CHD7: variants seen among roughly 807,000 people sequenced by gnomAD.
The protein encoded by CHD7 is chromodomain helicase DNA binding protein 7.
Under a neutral mutation model 307.3 loss-of-function variants are expected in CHD7, and 24 were observed. The ratio of observed to expected loss-of-function variants is 0.08; its 90% CI spans 0.06 to 0.11. The LOEUF (loss-of-function observed/expected upper bound fraction) is 0.11. Among genes scored for constraint, CHD7 ranks in the 10% least tolerant of loss-of-function variants. The probability of loss-of-function intolerance (pLI) is 1.00; values close to 1 mark genes in which losing one functional copy is unlikely to be tolerated. For synonymous variants in CHD7, 1,363 were observed against 1,349.9 expected (o/e 1.01, Z -0.21); for missense variants, 3,106 against 3,727.1 (o/e 0.83, Z 4.34).
At chr8:60,700,859 G>A (rs1436699143) in intron 1 of CHD7, among the ~76,000 whole-genome samples, 1 of 152,202 alleles carries the variant, frequency 6.6e-6, no homozygotes, top group Non-Finnish European at 1.5e-5. Flanking sequence ...GACGATGATG[G>A]CAGTGAGACG....
Position 60,793,480 on chromosome 8 carries a change from T to C in CHD7, c.2097-1506T>C, listed in dbSNP as rs568605259. On this transcript the variant is annotated intron_variant, in intron 3 of 37. Transcript: ENST00000423902. The stretch of plus-strand genomic sequence containing the variant: ...TAGTTTAAGATGATCAAATATTTTA[T>C]TTAGTTGAAAAAATACATTTTAGGT... 8.5e-5 allele frequency among the ~76,000 whole-genome samples: 13 copies of C among 152,312 alleles called. No homozygotes were observed. The South Asian group carries it at 2.7e-3, about 32-fold the overall frequency.
chr8:60,786,212 A>G (rs1811484916), intron 3 of CHD7, among the ~76,000 whole-genome samples: 1 of 152,204 alleles, frequency 6.6e-6, no homozygotes, highest in African/African-American at 2.4e-5. Flanking sequence ...TTTGCTAGCC[A>G]GCATCAGTGG....
chr8:60,804,574 A>T (rs1297919345), intron 6 of CHD7, among the ~76,000 whole-genome samples: 5 of 152,332 alleles, frequency 3.3e-5, no homozygotes, highest in South Asian at 4.1e-4. Context: ...CTAGTAAAGT[A>T]TACAGTAGAT....
chr8:60,754,332 C>T (rs746381816), intron 2 of CHD7, among the ~76,000 whole-genome samples: 4 of 152,044 alleles, frequency 2.6e-5, no homozygotes, highest in Non-Finnish European at 5.9e-5. Context: ...GTGATTGTAC[C>T]GATTATACAG....
chr8:60,854,080 G>A (rs1206516770), intron 31 of CHD7, among the ~76,000 whole-genome samples: 1 of 152,184 alleles, frequency 6.6e-6, no homozygotes, highest in South Asian at 2.1e-4. Flanking sequence ...CAATGACTTG[G>A]TTGGCTATCA....
rs201769233 is a variant in CHD7, at chr8:60,828,747, C to T, written c.3463C>T (p.Arg1155Cys). Residue 1155 changes from arginine to cysteine, a missense_variant, in exon 14 of 38, where the codon CGC (arginine) becomes TGC (cysteine). Arg to Cys is a radical substitution (Grantham distance 180). Around this residue, in one of 10 missense-constraint regions of CHD7, gnomAD observed 232 missense variants for 422.5 expected, o/e 0.55. Coordinates refer to ENST00000423902, the MANE Select transcript of CHD7 (RefSeq NM_017780.4). ...FSLLHFLEPS[R>C]FPSETTFMQE... is the part of the protein sequence containing the mutation. ...CTTGCTTCATTTCTTGGAACCAAGT[C>T]GCTTCCCTTCAGAAACCACATTTAT... The T allele has an allele frequency of 3.0e-5, 48 of 1,613,466 alleles. No individual in the cohort carries two copies. The highest frequency in any genetic ancestry group is 1.6e-4 in the Middle Eastern group (1 of 6,084).
At chr8:60,791,124 C>T (rs1811753411) in intron 3 of CHD7, among the ~76,000 whole-genome samples, 1 of 152,144 alleles carries the variant, frequency 6.6e-6, no homozygotes. Context: ...ATTTGCCTTC[C>T]AGCTGGTTAC....
chr8:60,736,132 C>T (rs370904656), intron 1 of CHD7, among the ~76,000 whole-genome samples: 2 of 152,146 alleles, frequency 1.3e-5, no homozygotes, highest in African/African-American at 2.4e-5. Flanking sequence ...GAAGCAAATA[C>T]GGAAAATACT....
At position 60,683,505 on chromosome 8, in the gene CHD7, A is replaced by G. The variant is rs145184482; in HGVS notation, c.-175+4423A>G. Among the ~76,000 whole-genome samples, 5 of 152,372 alleles carry G rather than the reference A, an allele frequency of 3.3e-5. No homozygotes were observed. The East Asian group carries it at 9.6e-4, about 29-fold the overall frequency. ...ATCACATCTGCATGATAAAAAGAAG[A>G]AATAGAAACAGGAAGTTGTAATGAT... is the stretch of plus-strand genomic sequence containing the variant. On this transcript the variant is annotated intron_variant, in intron 1 of 37. Coordinates refer to ENST00000423902, the MANE Select transcript of CHD7 (RefSeq NM_017780.4).
In CHD7 at chr8:60,798,518, A is replaced by T. The variant is rs531475208; in HGVS notation, c.2239-1870A>T. Among the ~76,000 whole-genome samples, 10 of 152,288 alleles carry T rather than the reference A, an allele frequency of 6.6e-5. No homozygotes were observed. The South Asian group carries it at 2.1e-3, about 32-fold the overall frequency. On this transcript the variant is annotated intron_variant, in intron 4 of 37. Coordinates refer to ENST00000423902, the MANE Select transcript of CHD7 (RefSeq NM_017780.4). ...GGGAGAACATAAACTTAAGATTAAA[A>T]TCAATCAGTCCCACTCTTTGGGGAA... is the stretch of plus-strand genomic sequence containing the variant.
chr8:60,766,242 T>C (rs1426634037), intron 2 of CHD7, among the ~76,000 whole-genome samples: 1 of 152,128 alleles, frequency 6.6e-6, no homozygotes, highest in African/African-American at 2.4e-5. Flanking sequence ...TAGAAGGATG[T>C]GTAGCTTGTT....
intron 12 of CHD7, among the ~76,000 whole-genome samples, chr8:60,823,037 T>C (rs1213395612): frequency 6.6e-6 from 1 of 152,194 alleles, no homozygotes; most frequent in Non-Finnish European, 1.5e-5. Flanking sequence ...AGTTTTATTT[T>C]GCAAGCCTAA....
At chr8:60,801,433 T>G in intron 5 of CHD7, 95 bp from the exon 6 acceptor site, 1 of 854,936 alleles carries the variant, frequency 1.2e-6, no homozygotes, top group Non-Finnish European at 1.9e-6. Flanking sequence ...ACTTAAAAGG[T>G]GTGGAGGTGG....
chr8:60,749,249 A>G lies in CHD7; in HGVS notation c.1665+6152A>G, dbSNP rs1011064656. Among the ~76,000 whole-genome samples the G allele has an allele frequency of 5.9e-5, 9 of 151,452 alleles. No homozygotes were observed. In the South Asian group the frequency reaches 1.0e-3, roughly 18 times the overall value. On this transcript the variant is annotated intron_variant, in intron 2 of 37. Transcript: ENST00000423902. ...AGCCAGGCGTGGTGGTGCATGCCTG[A>G]AATCCCAGCTACTTGGGAGGCTGAA...
At position 60,841,674 on chromosome 8, in the gene CHD7, G is replaced by C. The variant is rs766098474; in HGVS notation, c.4564G>C (p.Asp1522His). 2 of 1,609,496 alleles carry C rather than the reference G, an allele frequency of 1.2e-6. No homozygotes were observed. The highest frequency in any genetic ancestry group is 8.5e-7 in the Non-Finnish European group (1 of 1,175,976). Residue 1522 changes from aspartate to histidine, a missense_variant, in exon 20 of 38, where the codon GAT (aspartate) becomes CAT (histidine). Coordinates refer to ENST00000423902, the MANE Select transcript of CHD7 (RefSeq NM_017780.4). ...ASFVASGNRT[D>H]ISLDDPNFWQ... is the part of the protein sequence containing the mutation. ...TTTTGTTGCATCTGGAAATAGGACA[G>C]ATATTTCCTTGGATGATCCAAATTT...
At chr8:60,858,572 T>G (rs992990727) in intron 34 of CHD7, among the ~76,000 whole-genome samples, 10 of 152,190 alleles carry the variant, frequency 6.6e-5, no homozygotes, top group African/African-American at 2.4e-4. Context: ...TTTTTGTTTG[T>G]TATCATGTTC....
intron 2 of CHD7, among the ~76,000 whole-genome samples, chr8:60,774,669 G>A (rs1222166891): frequency 6.6e-6 from 1 of 152,222 alleles, no homozygotes. Flanking sequence ...AGGGGAGAAG[G>A]CTGGAAGGGC....
At chr8:60,720,786 G>A (rs1429637561) in intron 1 of CHD7, among the ~76,000 whole-genome samples, 1 of 147,894 alleles carries the variant, frequency 6.8e-6, no homozygotes, top group African/African-American at 2.4e-5. Context: ...CCTCTAATGG[G>A]GGTAACAAGG....
At chr8:60,738,867 G>A (rs1404338826) in intron 1 of CHD7, among the ~76,000 whole-genome samples, 1 of 152,168 alleles carries the variant, frequency 6.6e-6, no homozygotes, top group Non-Finnish European at 1.5e-5. Flanking sequence ...TCAAGCGTCT[G>A]GGAGATGGAC....
Sources: gnomAD v4.1 joint callset for allele counts (sites outside exome capture counted in the v4.1 genomes callset) on GRCh38, gnomAD v4.1.1 for gene constraint, gnomAD v4.1.1 regional missense constraint, MANE v1.5 for transcripts, NCBI Gene and HGNC (gene_info 2026-07-23, HGNC 2026-07-21) for gene names.